The following SEMA3A variants were observed in gnomAD, a reference collection of about 807,000 sequenced individuals.
SEMA3A encodes the protein semaphorin-3A.
Under a neutral mutation model 97.9 loss-of-function variants are expected in SEMA3A, and 29 were observed. The observed-to-expected ratio is 0.30, with a 90% CI of 0.22 to 0.40. SEMA3A has a LOEUF of 0.40. Among genes scored for constraint, SEMA3A ranks in the 10% least tolerant of loss-of-function variants. SEMA3A has a pLI of 1.00. For missense variants in SEMA3A, 763 were observed against 951.3 expected, an observed-to-expected ratio of 0.80 and a Z score of 2.60; for synonymous variants, 321 against 323.7, an observed-to-expected ratio of 0.99 and a Z score of 0.09.
At chr7:84,112,728 C>T (rs759945107) in intron 3 of SEMA3A, among the ~76,000 whole-genome samples, 3 of 152,176 alleles carry the variant, frequency 2.0e-5, no homozygotes, top group African/African-American at 7.2e-5. Context: ...CTGAAAAACT[C>T]TCAAGGTTCT....
intron 4 of SEMA3A, among the ~76,000 whole-genome samples, chr7:84,106,613 C>T (rs1037160099): frequency 6.6e-6 from 1 of 152,090 alleles, no homozygotes; most frequent in East Asian, 1.9e-4. Context: ...ATTTTGCAAA[C>T]GGTTGTATTA....
intron 1 of SEMA3A, among the ~76,000 whole-genome samples, chr7:84,394,417 T>C (rs530630267): frequency 6.6e-6 from 1 of 152,264 alleles, no homozygotes; most frequent in Admixed American, 6.5e-5. Context: ...CAATGAGTCA[T>C]AGCATTCTGT....
chr7:84,197,000 C>G (rs919417203), upstream of SEMA3A, among the ~76,000 whole-genome samples: 2 of 151,824 alleles, frequency 1.3e-5, no homozygotes, highest in Non-Finnish European at 2.9e-5. Context: ...TTTATATGCT[C>G]CAAATAAAAC....
intron 3 of SEMA3A, among the ~76,000 whole-genome samples, chr7:84,210,164 G>C (rs1449640884): frequency 6.6e-6 from 1 of 151,676 alleles, no homozygotes. Flanking sequence ...TATTTTTTTT[G>C]TGGGGAAGAA....
intron 12 of SEMA3A, among the ~76,000 whole-genome samples, chr7:83,997,961 C>T (rs1028087013): frequency 6.6e-6 from 1 of 152,052 alleles, no homozygotes; most frequent in Non-Finnish European, 1.5e-5. Flanking sequence ...TGGTCTCGAA[C>T]TCTTGACCTC....
At chr7:84,309,838 CA>C (rs1188793338) in intron 2 of SEMA3A, among the ~76,000 whole-genome samples, 4 of 152,124 alleles carry the variant, frequency 2.6e-5, no homozygotes, top group African/African-American at 9.7e-5. Context: ...CAAGATCATG[CA>C]TTGACTATTC....
At chr7:84,059,105 T>C (rs2115677131) in intron 5 of SEMA3A, among the ~76,000 whole-genome samples, 1 of 152,310 alleles carries the variant, frequency 6.6e-6, no homozygotes, top group East Asian at 1.9e-4. Context: ...TGTAAGTTCA[T>C]ACAAAATATG....
intron 4 of SEMA3A, among the ~76,000 whole-genome samples, chr7:84,062,572 C>T (rs79244837): frequency 2.0e-5 from 3 of 152,164 alleles, no homozygotes; most frequent in African/African-American, 4.8e-5. Flanking sequence ...GCACCACGCG[C>T]GAGCCGAAGC....
At chr7:84,168,885 T>C (rs1184527317) in intron 1 of SEMA3A, among the ~76,000 whole-genome samples, 2 of 151,850 alleles carry the variant, frequency 1.3e-5, no homozygotes, top group African/African-American at 4.8e-5. Flanking sequence ...TAAATTTCTT[T>C]TCTACTTGTA....
chr7:84,073,536 G>T (rs1793823462), intron 4 of SEMA3A, among the ~76,000 whole-genome samples: 1 of 152,058 alleles, frequency 6.6e-6, no homozygotes, highest in African/African-American at 2.4e-5. Context: ...GCCAAAATAA[G>T]CAATTTAGTC....
At chr7:84,202,065 A>T (rs551384689) in intron 3 of SEMA3A, among the ~76,000 whole-genome samples, 1 of 152,264 alleles carries the variant, frequency 6.6e-6, no homozygotes, top group African/African-American at 2.4e-5. Context: ...AGGAAAACAA[A>T]TTTATTTTTT....
intron 3 of SEMA3A, among the ~76,000 whole-genome samples, chr7:84,246,655 CT>C (rs1012158212): frequency 2.8e-4 from 43 of 150,898 alleles, no homozygotes; most frequent in Middle Eastern, 3.5e-3. Context: ...CTCAAACTCT[CT>C]TTTTTTTTCA....
At chr7:84,062,591 G>A (rs575617149) in intron 4 of SEMA3A, among the ~76,000 whole-genome samples, 2 of 152,318 alleles carry the variant, frequency 1.3e-5, no homozygotes, top group East Asian at 1.9e-4. Context: ...GCAGGGCGAG[G>A]CATTGCCTCA....
intron 4 of SEMA3A, among the ~76,000 whole-genome samples, chr7:84,071,645 G>GA (rs1228514475): frequency 6.6e-6 from 1 of 151,966 alleles, no homozygotes; most frequent in African/African-American, 2.4e-5. Flanking sequence ...CCCCAGCAGA[G>GA]AAAAATGTTT....
intron 2 of SEMA3A, among the ~76,000 whole-genome samples, chr7:84,368,205 A>G (rs1802897312): frequency 6.6e-6 from 1 of 151,390 alleles, no homozygotes; most frequent in South Asian, 2.1e-4. Context: ...TGGTCTGCAG[A>G]TTCATTCACC....
chr7:83,969,488 A>G (rs1396842000), intron 15 of SEMA3A, among the ~76,000 whole-genome samples: 3 of 152,206 alleles, frequency 2.0e-5, no homozygotes, highest in Non-Finnish European at 4.4e-5. Flanking sequence ...GTAATCGTAA[A>G]CGCTTAGCTG....
At chr7:84,076,989 G>T (rs889867924) in intron 4 of SEMA3A, among the ~76,000 whole-genome samples, 1 of 152,096 alleles carries the variant, frequency 6.6e-6, no homozygotes, top group African/African-American at 2.4e-5. Context: ...CTTTTTAATA[G>T]GAGCTTAATT....
chr7:84,241,345 C>G (rs1219806438), intron 3 of SEMA3A, among the ~76,000 whole-genome samples: 1 of 152,190 alleles, frequency 6.6e-6, no homozygotes, highest in African/African-American at 2.4e-5. Flanking sequence ...TTGCATTTCT[C>G]TAATGACCAG....
chr7:84,103,767 G>C (rs546532811), intron 4 of SEMA3A, among the ~76,000 whole-genome samples: 1 of 152,024 alleles, frequency 6.6e-6, no homozygotes, highest in East Asian at 1.9e-4. Context: ...AACTAGAGTC[G>C]AGAGGTAAAA....
Sources: gnomAD v4.1 joint callset for allele counts (sites outside exome capture counted in the v4.1 genomes callset) on GRCh38, gnomAD v4.1.1 for gene constraint, MANE v1.5 for transcripts, NCBI Gene and HGNC (gene_info 2026-07-23, HGNC 2026-07-21) for gene names.